The following PTPRD variants were observed in gnomAD, a reference collection of about 807,000 sequenced individuals.
The protein encoded by PTPRD is receptor-type tyrosine-protein phosphatase delta.
Under a neutral mutation model 214.5 loss-of-function variants are expected in PTPRD, and 34 were observed. The ratio of observed to expected loss-of-function variants is 0.16; its 90% CI spans 0.12 to 0.21. The LOEUF (loss-of-function observed/expected upper bound fraction) is 0.21. Ranked by LOEUF, PTPRD falls within the 10% of genes least tolerant of loss-of-function variation. PTPRD has a pLI of 1.00. For synonymous variants in PTPRD, 1,128 were observed against 845.7 expected, an observed-to-expected ratio of 1.33 and a Z score of -5.79; for missense variants, 2,545 against 2,398.7, an observed-to-expected ratio of 1.06 and a Z score of -1.27.
intron 43 of PTPRD, 127 bp from the exon 44 acceptor site, chr9:8,331,863 T>TGTTTA: frequency 8.9e-7 from 1 of 1,126,064 alleles, no homozygotes; most frequent in Non-Finnish European, 1.2e-6. Flanking sequence ...GTTAGGAACA[T>TGTTTA]GTTTAAATAG....
rs190838451 is a variant in PTPRD, at chr9:8,995,255, T to C, written c.-104+23442A>G. Among the ~76,000 whole-genome samples the C allele has an allele frequency of 9.7e-4, 148 of 152,114 alleles. 1 individual carries two copies. The highest frequency in any genetic ancestry group is 3.4e-3 in the African/African-American group (140 of 41,468). ...TAAATAATTACTTTATTGGTTGTGA[T>C]AATGGCATTATGCTATGTTTAAAAA... is the stretch of plus-strand genomic sequence containing the variant. On this transcript the variant is annotated intron_variant, in intron 11 of 45. Coordinates refer to ENST00000381196, the MANE Select transcript of PTPRD (RefSeq NM_002839.4).
At chr9:8,628,505 C>G (rs568490015) in intron 14 of PTPRD, among the ~76,000 whole-genome samples, 1 of 150,978 alleles carries the variant, frequency 6.6e-6, no homozygotes, top group African/African-American at 2.4e-5. Context: ...TTCCATCTTG[C>G]AAGAACTGAC....
chr9:8,429,373 G>T (rs1197349838), intron 35 of PTPRD, among the ~76,000 whole-genome samples: 1 of 152,090 alleles, frequency 6.6e-6, no homozygotes, highest in Non-Finnish European at 1.5e-5. Flanking sequence ...TGATGGGAGA[G>T]TGAAACCACA....
intron 5 of PTPRD, among the ~76,000 whole-genome samples, chr9:9,828,956 A>T (rs1046382815): frequency 2.0e-5 from 3 of 151,944 alleles, no homozygotes; most frequent in Non-Finnish European, 4.4e-5. Context: ...TTAAAATTGT[A>T]AGGAAACATT....
chr9:9,274,512 T>A (rs1944205609), intron 9 of PTPRD, among the ~76,000 whole-genome samples: 1 of 151,272 alleles, frequency 6.6e-6, no homozygotes, highest in Non-Finnish European at 1.5e-5. Flanking sequence ...GTCTCATTTA[T>A]CAGGGGCCCT....
At chr9:9,732,359 C>G (rs1299157147) in intron 7 of PTPRD, among the ~76,000 whole-genome samples, 1 of 151,820 alleles carries the variant, frequency 6.6e-6, no homozygotes, top group East Asian at 1.9e-4. Flanking sequence ...AACAAACAAA[C>G]AAGCAGGAGA....
At chr9:9,868,774 CA>C in intron 5 of PTPRD, among the ~76,000 whole-genome samples, 1 of 150,538 alleles carries the variant, frequency 6.6e-6, no homozygotes, top group Non-Finnish European at 1.5e-5. Context: ...ACAGAAAGCA[CA>C]AATGACTTAT....
At chr9:9,243,141 G>C (rs138612372) in intron 9 of PTPRD, among the ~76,000 whole-genome samples, 147 of 152,200 alleles carry the variant, frequency 9.7e-4, no homozygotes, top group African/African-American at 3.4e-3. Flanking sequence ...CAGCAGCGGA[G>C]GCTGCAGAAC....
intron 12 of PTPRD, among the ~76,000 whole-genome samples, chr9:8,704,750 T>G (rs865870767): frequency 1.1e-4 from 14 of 125,658 alleles, no homozygotes; most frequent in African/African-American, 4.0e-4. Context: ...AAATCTCTAC[T>G]AAAAATACAA....
chr9:9,953,950 T>C lies in PTPRD; in HGVS notation c.-471-15340A>G, dbSNP rs1482182359. On this transcript the variant is annotated intron_variant, in intron 4 of 45. Transcript: ENST00000381196. ...TTCTTTGCTGTGTTTTTTAAAATTA[T>C]ATTTTTCCATCCATTTGCTACCTTG... Among the ~76,000 whole-genome samples the C allele has an allele frequency of 2.0e-5, 3 of 152,260 alleles. No individual in the cohort carries two copies. In the East Asian group the frequency reaches 5.8e-4, roughly 29 times the overall value.
chr9:10,290,484 G>A (rs1312012786), intron 3 of PTPRD, among the ~76,000 whole-genome samples: 1 of 152,100 alleles, frequency 6.6e-6, no homozygotes, highest in Admixed American at 6.6e-5. Flanking sequence ...GTATCACAGT[G>A]CAGCTTAATT....
At chr9:8,791,305 A>G (rs2096224908) in intron 11 of PTPRD, among the ~76,000 whole-genome samples, 1 of 151,934 alleles carries the variant, frequency 6.6e-6, no homozygotes, top group South Asian at 2.1e-4. Flanking sequence ...CGCTCACTGC[A>G]AACTCCGCCT....
rs937714519 is a variant in PTPRD, at chr9:10,101,401, T to C, written c.-544-67611A>G. ...TTTCACTGCTAATATAGTGTCATCC[T>C]AGGATGTAGTATCAGGTAAGTAGAG... On this transcript the variant is annotated intron_variant, in intron 3 of 45. Coordinates refer to ENST00000381196, the MANE Select transcript of PTPRD (RefSeq NM_002839.4). Among the ~76,000 whole-genome samples the C allele has an allele frequency of 2.0e-5, 3 of 151,694 alleles. No individual in the cohort carries two copies. In the Admixed American group the frequency reaches 2.0e-4, roughly 10 times the overall value.
chr9:9,905,824 G>C (rs1035288253), intron 5 of PTPRD, among the ~76,000 whole-genome samples: 3 of 151,996 alleles, frequency 2.0e-5, no homozygotes, highest in African/African-American at 7.2e-5. Flanking sequence ...AAGGACAAAA[G>C]AGAGAACTAA....
intron 5 of PTPRD, among the ~76,000 whole-genome samples, chr9:9,865,058 G>T (rs2063641890): frequency 6.6e-6 from 1 of 151,646 alleles, no homozygotes. Flanking sequence ...GTATTTTATT[G>T]TGTTCTAATT....
rs1274859802 is a variant in PTPRD at position 9,973,761 on chromosome 9, C to G, written c.-471-35151G>C. ...ATTGGTGTGAAAACATGTTACTTGG[C>G]ACAGAGTAAGGAGTCTTTTTTTTTC... On this transcript the variant is annotated intron_variant, in intron 4 of 45. Transcript: ENST00000381196. Among the ~76,000 whole-genome samples, 4 of 151,972 alleles carry G rather than the reference C, an allele frequency of 2.6e-5. No homozygotes were observed. In the East Asian group the frequency reaches 7.7e-4, roughly 29 times the overall value.
At position 9,840,882 on chromosome 9, in the gene PTPRD, T is replaced by C. The variant is rs562074440; in HGVS notation, c.-367-74031A>G. 1.6e-4 allele frequency among the ~76,000 whole-genome samples: 24 copies of C among 149,088 alleles called. No homozygotes were observed. In the South Asian group the frequency reaches 5.1e-3, roughly 31 times the overall value. Reference sequence around the variant, plus strand: ...TCTTCCAATTTGGTTTGGTGATAAATATAAGGAGTTCAATTTTTATATTCA... The same window carrying C: ...TCTTCCAATTTGGTTTGGTGATAAACATAAGGAGTTCAATTTTTATATTCA... On this transcript the variant is annotated intron_variant, in intron 5 of 45. Transcript: ENST00000381196.
chr9:10,459,006 C>A (rs1171194780), intron 2 of PTPRD, among the ~76,000 whole-genome samples: 1 of 152,032 alleles, frequency 6.6e-6, no homozygotes, highest in Non-Finnish European at 1.5e-5. Flanking sequence ...CCTATCAACC[C>A]GTCATCTACA....
At chr9:9,607,149 C>T (rs2094214481) in intron 7 of PTPRD, among the ~76,000 whole-genome samples, 1 of 151,884 alleles carries the variant, frequency 6.6e-6, no homozygotes, top group East Asian at 1.9e-4. Flanking sequence ...TATTTATGCA[C>T]ATCAAAGCCC....
Sources: allele counts gnomAD v4.1 joint callset (sites outside exome capture counted in the v4.1 genomes callset), GRCh38; gene constraint gnomAD v4.1.1; transcripts MANE v1.5; gene names NCBI Gene and HGNC (gene_info 2026-07-23, HGNC 2026-07-21).